Variants in SPRED1 observed in about 807,000 individuals in gnomAD.
SPRED1 encodes the protein sprouty related EVH1 domain containing 1, also known as sprouty-related, EVH1 domain-containing protein 1.
A neutral mutation model predicts 52.3 loss-of-function variants in SPRED1; 18 were observed. That is an observed-to-expected ratio of 0.34 (90% CI 0.24 to 0.51). The LOEUF (loss-of-function observed/expected upper bound fraction) is 0.51, where lower values mean the gene tolerates loss of function less well. SPRED1 is among the 20% of genes least tolerant of loss of function. The pLI is 0.97. For synonymous variants in SPRED1, 155 were observed against 179.7 expected, an observed-to-expected ratio of 0.86 and a Z score of 1.10; for missense variants, 485 against 551.0, an observed-to-expected ratio of 0.88 and a Z score of 1.20.
chr15:38,296,524 C>A (rs1196052470), intron 1 of SPRED1, among the ~76,000 whole-genome samples: 1 of 152,138 alleles, frequency 6.6e-6, no homozygotes, highest in African/African-American at 2.4e-5. Context: ...TGGTCATCTT[C>A]TTTTGCCTTT....
intron 2 of SPRED1, among the ~76,000 whole-genome samples, chr15:38,304,066 G>GAGCAT (rs1179944959): frequency 8.5e-5 from 13 of 152,106 alleles, no homozygotes; most frequent in Non-Finnish European, 1.3e-4. Context: ...TTAAAAATAA[G>GAGCAT]GTTTCTTTCC....
At chr15:38,310,157 G>GTGTGTGTGTGTGTGTGTGTGT (rs1555390275) in intron 2 of SPRED1, among the ~76,000 whole-genome samples, 1 of 142,520 alleles carries the variant, frequency 7.0e-6, no homozygotes, top group Non-Finnish European at 1.6e-5. Context: ...GTGTGTGTTT[G>GTGTGTGTGTGTGTGTGTGTGT]GAGACGAAGT....
chr15:38,353,400 G>A lies in SPRED1; in HGVS notation c.*1736G>A, dbSNP rs916520940. 2 of 152,482 alleles carry A rather than the reference G, an allele frequency of 1.3e-5. No homozygotes were observed. Among genetic ancestry groups the A allele is most frequent in the Admixed American group, 6.5e-5 (1 of 15,282 alleles). 9.4% of individuals were successfully genotyped at this position (152,482 alleles called of 1,614,324 possible). ...TTGAACTGACAACATTGTGTATATA[G>A]ATCATCTTGAAGTATTATTTCACAT... On this transcript the variant is annotated 3_prime_UTR_variant, in exon 7 of 7. Coordinates refer to ENST00000299084, the MANE Select transcript of SPRED1 (RefSeq NM_152594.3).
chr15:38,346,295 T>TA (rs1216127153), intron 5 of SPRED1, among the ~76,000 whole-genome samples: 3 of 133,382 alleles, frequency 2.2e-5, no homozygotes, highest in African/African-American at 8.1e-5. Context: ...ACCTGGGTGA[T>TA]AGAGTGAGAC....
At chr15:38,340,890 G>T (rs569233279) in intron 5 of SPRED1, among the ~76,000 whole-genome samples, 1 of 151,890 alleles carries the variant, frequency 6.6e-6, no homozygotes, top group Non-Finnish European at 1.5e-5. Context: ...TATAAAATAA[G>T]TTGGACAGTA....
intron 2 of SPRED1, among the ~76,000 whole-genome samples, chr15:38,321,707 C>G (rs1284383790): frequency 6.6e-6 from 1 of 152,164 alleles, no homozygotes; most frequent in African/African-American, 2.4e-5. Context: ...GATTCTCCTG[C>G]CTCAGCCTCC....
chr15:38,266,090 C>G (rs1894301796), intron 1 of SPRED1, among the ~76,000 whole-genome samples: 1 of 152,092 alleles, frequency 6.6e-6, no homozygotes, highest in Non-Finnish European at 1.5e-5. Flanking sequence ...TTTGCTTTAG[C>G]CTGATGTTTA....
chr15:38,289,403 A>T (rs1434034211), intron 1 of SPRED1, among the ~76,000 whole-genome samples: 2 of 145,890 alleles, frequency 1.4e-5, no homozygotes, highest in Non-Finnish European at 3.0e-5. Flanking sequence ...ACTTTTAAGG[A>T]AGTACCTTTT....
intron 4 of SPRED1, among the ~76,000 whole-genome samples, chr15:38,337,075 G>A (rs1056799535): frequency 6.6e-6 from 1 of 152,150 alleles, no homozygotes; most frequent in African/African-American, 2.4e-5. Flanking sequence ...AAAGCTTTTG[G>A]TACATTTTAT....
chr15:38,333,631 G>T (rs1318040401), intron 4 of SPRED1, among the ~76,000 whole-genome samples: 6 of 152,058 alleles, frequency 3.9e-5, no homozygotes, highest in East Asian at 1.9e-4. Flanking sequence ...ACCTAGTCTT[G>T]GTAAGAATAT....
intron 1 of SPRED1, among the ~76,000 whole-genome samples, chr15:38,292,952 C>T (rs775680973): frequency 6.6e-6 from 1 of 151,962 alleles, no homozygotes; most frequent in Non-Finnish European, 1.5e-5. Flanking sequence ...TTATTGGGCA[C>T]ATAACAATGA....
chr15:38,318,770 C>A (rs1471531085), intron 2 of SPRED1, among the ~76,000 whole-genome samples: 1 of 152,148 alleles, frequency 6.6e-6, no homozygotes, highest in Non-Finnish European at 1.5e-5. Context: ...TGATTTCATT[C>A]TTCTGTATGT....
chr15:38,305,355 C>CT (rs112141797), intron 2 of SPRED1, among the ~76,000 whole-genome samples: 7,032 of 136,154 alleles, frequency 0.052, 313 homozygotes, highest in African/African-American at 0.11. Flanking sequence ...AAAAAAAAAA[C>CT]TTTTTTTTTT....
chr15:38,308,902 CT>C (rs1214955212), intron 2 of SPRED1, among the ~76,000 whole-genome samples: 14 of 152,064 alleles, frequency 9.2e-5, no homozygotes, highest in Admixed American at 6.6e-5. Flanking sequence ...AACTGCAAAA[CT>C]TTTTTCTAGA....
At chr15:38,261,322 T>A (rs1894200229) in intron 1 of SPRED1, among the ~76,000 whole-genome samples, 1 of 152,224 alleles carries the variant, frequency 6.6e-6, no homozygotes, top group Admixed American at 6.5e-5. Context: ...TAACTGATTT[T>A]TTTGTACTTC....
intron 1 of SPRED1, among the ~76,000 whole-genome samples, chr15:38,299,162 T>C (rs953257817): frequency 1.3e-5 from 2 of 152,154 alleles, no homozygotes; most frequent in Non-Finnish European, 2.9e-5. Context: ...ATTACAAGAG[T>C]AGTCTTTAAA....
chr15:38,286,034 A>G (rs558083485), intron 1 of SPRED1, among the ~76,000 whole-genome samples: 1 of 152,224 alleles, frequency 6.6e-6, no homozygotes, highest in South Asian at 2.1e-4. Flanking sequence ...GCTTGAGGCC[A>G]GGAGTTCAAG....
chr15:38,290,930 A>T (rs1032394422), intron 1 of SPRED1, among the ~76,000 whole-genome samples: 1 of 152,090 alleles, frequency 6.6e-6, no homozygotes, highest in Non-Finnish European at 1.5e-5. Context: ...TTCAAAACCA[A>T]TCATGCCTTC....
chr15:38,277,200 G>A (rs950455921), intron 1 of SPRED1, among the ~76,000 whole-genome samples: 10 of 152,122 alleles, frequency 6.6e-5, no homozygotes, highest in African/African-American at 2.4e-4. Flanking sequence ...CACGGGGTTT[G>A]ATGTACAGAT....
Sources: gnomAD v4.1 joint callset for allele counts (sites outside exome capture counted in the v4.1 genomes callset) on GRCh38, gnomAD v4.1.1 for gene constraint, MANE v1.5 for transcripts, NCBI Gene and HGNC (gene_info 2026-07-23, HGNC 2026-07-21) for gene names.